The following PPM1H variants were observed in gnomAD, a reference collection of about 807,000 sequenced individuals.
The protein encoded by PPM1H is protein phosphatase 1H.
PPM1H carries 27 observed loss-of-function variants against 54.9 expected under a neutral mutation model. That is an observed-to-expected ratio of 0.49 (90% CI 0.36 to 0.68). The LOEUF (loss-of-function observed/expected upper bound fraction) is 0.68, where lower values mean the gene tolerates loss of function less well. PPM1H is among the 30% of genes least tolerant of loss of function. The pLI, the probability that PPM1H is intolerant of heterozygous loss-of-function variation, is 0.00. For synonymous variants in PPM1H, 305 were observed against 270.8 expected (o/e 1.13, Z -1.24); for missense variants, 596 against 667.8 (o/e 0.89, Z 1.19).
At chr12:62,681,029 C>T (rs943357567) in intron 8 of PPM1H, among the ~76,000 whole-genome samples, 1 of 152,080 alleles carries the variant, frequency 6.6e-6, no homozygotes, top group African/African-American at 2.4e-5. Context: ...GATGAGAGCC[C>T]ACAGCTATTC....
chr12:62,905,925 G>A lies in PPM1H; in HGVS notation c.245+28567C>T, dbSNP rs186343752. Among the ~76,000 whole-genome samples the A allele has an allele frequency of 2.5e-3, 375 of 152,256 alleles. 1 individual carries two copies. The highest frequency in any genetic ancestry group is 8.2e-3 in the African/African-American group (341 of 41,546). ...AGGACAGGACAATGGACTATGAGAT[G>A]CCAGCCAAGCAAAACTTGGAAAAGA... On this transcript the variant is annotated intron_variant, in intron 1 of 9. Transcript: ENST00000228705.
intron 1 of PPM1H, among the ~76,000 whole-genome samples, chr12:62,868,454 C>T (rs1869861628): frequency 6.6e-6 from 1 of 152,140 alleles, no homozygotes; most frequent in African/African-American, 2.4e-5. Flanking sequence ...CAGCAGATCC[C>T]ACACTTGCCC....
rs896724720 is a variant in PPM1H, at chr12:62,644,484, T to C, written c.*4005A>G. ...CCTTATTTGGTCACTGTCTACCTGG[T>C]TGCTACATGAACAAAACTTCACCTA... On this transcript the variant is annotated 3_prime_UTR_variant, in exon 10 of 10. Coordinates refer to ENST00000228705, the MANE Select transcript of PPM1H (RefSeq NM_020700.2). 6.6e-6 allele frequency: 1 copy of C among 152,218 alleles called. No individual in the cohort carries two copies. Among genetic ancestry groups the C allele is most frequent in the African/African-American group, 2.4e-5 (1 of 41,450 alleles). 9.4% of individuals were successfully genotyped at this position (152,218 alleles called of 1,614,324 possible).
At chr12:62,790,559 G>A (rs1482742190) in intron 3 of PPM1H, among the ~76,000 whole-genome samples, 4 of 152,072 alleles carry the variant, frequency 2.6e-5, no homozygotes, top group Admixed American at 6.6e-5. Flanking sequence ...GTGACAGAGC[G>A]AGACCCTGTC....
intron 1 of PPM1H, among the ~76,000 whole-genome samples, chr12:62,867,450 C>T (rs767534546): frequency 1.3e-5 from 2 of 151,900 alleles, no homozygotes; most frequent in Admixed American, 6.6e-5. Context: ...CTCCCATAGA[C>T]CCATATTAGT....
intron 1 of PPM1H, among the ~76,000 whole-genome samples, chr12:62,870,581 A>G (rs1359929922): frequency 6.6e-6 from 1 of 152,238 alleles, no homozygotes; most frequent in Admixed American, 6.5e-5. Flanking sequence ...CAGATTAGAC[A>G]TGCTGAATAG....
At chr12:62,762,508 T>C (rs894690529) in intron 4 of PPM1H, among the ~76,000 whole-genome samples, 15 of 152,236 alleles carry the variant, frequency 9.9e-5, no homozygotes, top group Middle Eastern at 6.4e-3. Context: ...CAGTAACTTA[T>C]GCATACCCCG....
At chr12:62,773,449 T>C (rs1482921929) in intron 4 of PPM1H, among the ~76,000 whole-genome samples, 3 of 152,240 alleles carry the variant, frequency 2.0e-5, no homozygotes, top group African/African-American at 7.2e-5. Flanking sequence ...CACTCCAGCC[T>C]GGGTGACAGA....
intron 7 of PPM1H, among the ~76,000 whole-genome samples, chr12:62,693,264 T>C (rs1331560509): frequency 2.0e-5 from 3 of 152,196 alleles, no homozygotes; most frequent in Non-Finnish European, 2.9e-5. Flanking sequence ...AGCTTTTCTT[T>C]GGTTCGACAA....
intron 4 of PPM1H, among the ~76,000 whole-genome samples, chr12:62,760,175 T>G (rs904411336): frequency 2.0e-4 from 31 of 152,216 alleles, no homozygotes; most frequent in African/African-American, 7.2e-4. Flanking sequence ...TTGATTTCTC[T>G]GTTTTACAAG....
intron 1 of PPM1H, among the ~76,000 whole-genome samples, chr12:62,894,454 A>T (rs80080869): frequency 0.026 from 4,027 of 152,320 alleles, 83 homozygotes; most frequent in Middle Eastern, 0.061. Context: ...TGTATCAGAG[A>T]GTAGATGGCT....
At chr12:62,804,698 C>T (rs1251439634) in intron 2 of PPM1H, among the ~76,000 whole-genome samples, 19 of 116,044 alleles carry the variant, frequency 1.6e-4, no homozygotes, top group African/African-American at 6.1e-4. Flanking sequence ...TTTTTTGAGA[C>T]GGAGTCTCGC....
intron 5 of PPM1H, among the ~76,000 whole-genome samples, chr12:62,724,636 G>A (rs1308194967): frequency 2.0e-5 from 3 of 152,094 alleles, no homozygotes; most frequent in African/African-American, 7.2e-5. Flanking sequence ...CAAACTGCTT[G>A]CTTTCTTCCA....
At chr12:62,792,135 A>G (rs1702230589) in intron 3 of PPM1H, among the ~76,000 whole-genome samples, 1 of 152,220 alleles carries the variant, frequency 6.6e-6, no homozygotes, top group Non-Finnish European at 1.5e-5. Context: ...ACAGGTAGGT[A>G]CATTATTTAT....
intron 4 of PPM1H, among the ~76,000 whole-genome samples, chr12:62,769,890 T>TTGCAAGAG (rs2076568097): frequency 6.6e-6 from 1 of 152,148 alleles, no homozygotes; most frequent in African/African-American, 2.4e-5. Flanking sequence ...AACCCACATG[T>TTGCAAGAG]TGCAAGAGAA....
chr12:62,649,917 C>A (rs2075806484), intron 9 of PPM1H, among the ~76,000 whole-genome samples: 1 of 152,174 alleles, frequency 6.6e-6, no homozygotes, highest in South Asian at 2.1e-4. Flanking sequence ...ACTGGTAAAT[C>A]ATCAAGATAA....
At chr12:62,803,918 T>C (rs920641170) in intron 2 of PPM1H, among the ~76,000 whole-genome samples, 26 of 152,148 alleles carry the variant, frequency 1.7e-4, no homozygotes, top group African/African-American at 6.0e-4. Context: ...AGACATTTCA[T>C]CAAAGATGAC....
intron 6 of PPM1H, among the ~76,000 whole-genome samples, chr12:62,709,196 C>G (rs2076192863): frequency 6.6e-6 from 1 of 152,156 alleles, no homozygotes; most frequent in Non-Finnish European, 1.5e-5. Context: ...TATAACTGCA[C>G]ACGAAGGGCT....
rs138421781 is a variant in PPM1H, at chr12:62,736,164, G to A, written c.954+1338C>T. ...AGGTGGCAGAGAGGCTAGCTATAAC[G>A]AATTCTACTTGGAGGGATCCTTGCA... On this transcript the variant is annotated intron_variant, in intron 5 of 9. Transcript: ENST00000228705. 4.8e-3 allele frequency among the ~76,000 whole-genome samples: 737 copies of A among 152,304 alleles called. 4 individuals are homozygous for A. Among genetic ancestry groups the A allele is most frequent in the Admixed American group, 5.8e-3 (88 of 15,296 alleles).
Sources: gnomAD v4.1 joint callset for allele counts (sites outside exome capture counted in the v4.1 genomes callset) on GRCh38, gnomAD v4.1.1 for gene constraint, MANE v1.5 for transcripts, NCBI Gene and HGNC (gene_info 2026-07-23, HGNC 2026-07-21) for gene names.